The following DPP10 variants were observed in gnomAD, a reference collection of about 807,000 sequenced individuals.
DPP10 encodes dipeptidyl peptidase like 10, also known as inactive dipeptidyl peptidase 10.
In DPP10, 33 loss-of-function variants were observed where a neutral mutation model predicts 120.9. The observed-to-expected ratio is 0.27, with a 90% CI of 0.21 to 0.37. The LOEUF (loss-of-function observed/expected upper bound fraction) is 0.37. Ranked by LOEUF, DPP10 falls within the 10% of genes least tolerant of loss-of-function variation. The probability of loss-of-function intolerance (pLI) is 1.00; values close to 1 mark genes in which losing one functional copy is unlikely to be tolerated. For missense variants in DPP10, 816 were observed against 942.8 expected, an observed-to-expected ratio of 0.87 and a Z score of 1.76; for synonymous variants, 337 against 326.1, an observed-to-expected ratio of 1.03 and a Z score of -0.36.
intron 1 of DPP10, among the ~76,000 whole-genome samples, chr2:114,628,603 G>A (rs1302234116): frequency 2.0e-5 from 3 of 152,042 alleles, no homozygotes; most frequent in Non-Finnish European, 2.9e-5. Context: ...AACAACTTGT[G>A]CATTCTTGCT....
At chr2:115,199,087 T>G (rs976953843) in intron 1 of DPP10, among the ~76,000 whole-genome samples, 1 of 152,154 alleles carries the variant, frequency 6.6e-6, no homozygotes, top group Non-Finnish European at 1.5e-5. Flanking sequence ...TAACATTTAT[T>G]GAAGACCTAT....
chr2:114,695,131 C>T (rs1206770610), intron 1 of DPP10, among the ~76,000 whole-genome samples: 1 of 151,820 alleles, frequency 6.6e-6, no homozygotes, highest in Non-Finnish European at 1.5e-5. Context: ...AACTGTTGTT[C>T]AGAGTGAATT....
intron 13 of DPP10, among the ~76,000 whole-genome samples, chr2:115,773,289 G>A (rs558965729): frequency 6.6e-6 from 1 of 152,184 alleles, no homozygotes; most frequent in Non-Finnish European, 1.5e-5. Flanking sequence ...AGAACATGCA[G>A]GGTTAAACTT....
chr2:114,816,534 T>A (rs1043489171), intron 1 of DPP10, among the ~76,000 whole-genome samples: 5 of 152,188 alleles, frequency 3.3e-5, no homozygotes, highest in African/African-American at 1.2e-4. Context: ...CCTTGACCAC[T>A]CTTTTGAACA....
chr2:115,469,710 C>T (rs2074560818), intron 3 of DPP10, among the ~76,000 whole-genome samples: 1 of 151,902 alleles, frequency 6.6e-6, no homozygotes, highest in African/African-American at 2.4e-5. Context: ...ACCAGCCTGA[C>T]CAACGTGGAG....
chr2:115,240,791 A>G (rs994277259), intron 1 of DPP10, among the ~76,000 whole-genome samples: 2 of 152,218 alleles, frequency 1.3e-5, no homozygotes, highest in African/African-American at 2.4e-5. Context: ...TTTCACAACA[A>G]TCTTGTAAGA....
chr2:114,963,841 T>C (rs1024659365), intron 1 of DPP10, among the ~76,000 whole-genome samples: 7 of 152,138 alleles, frequency 4.6e-5, no homozygotes, highest in Non-Finnish European at 1.5e-5. Context: ...AGAAGTGAAG[T>C]CTTTGAAGCA....
chr2:114,836,511 G>T (rs1452583865), intron 1 of DPP10, among the ~76,000 whole-genome samples: 1 of 152,060 alleles, frequency 6.6e-6, no homozygotes, highest in African/African-American at 2.4e-5. Context: ...ATAGCGTGTG[G>T]GTCACAAGAG....
chr2:115,002,721 A>G (rs1701525931), intron 1 of DPP10, among the ~76,000 whole-genome samples: 2 of 152,212 alleles, frequency 1.3e-5, no homozygotes, highest in African/African-American at 2.4e-5. Flanking sequence ...GACACTTACC[A>G]AAAGAAGACA....
chr2:115,747,784 G>A (rs1341340415), intron 10 of DPP10, among the ~76,000 whole-genome samples: 1 of 151,990 alleles, frequency 6.6e-6, no homozygotes, highest in Non-Finnish European at 1.5e-5. Flanking sequence ...TAGTAGAGAT[G>A]GGGTTTCACT....
At chr2:115,295,081 A>G (rs2060825522) in intron 1 of DPP10, among the ~76,000 whole-genome samples, 2 of 152,110 alleles carry the variant, frequency 1.3e-5, no homozygotes, top group African/African-American at 4.8e-5. Context: ...TTCAAATTGT[A>G]TGAGGGATGG....
rs114139739 is a variant in DPP10 at position 115,310,465 on chromosome 2, A to G, written c.175+1112A>G. Among the ~76,000 whole-genome samples the G allele has an allele frequency of 2.7e-3, 410 of 152,298 alleles. 2 individuals are homozygous for G. Among genetic ancestry groups the G allele is most frequent in the African/African-American group, 8.6e-3 (358 of 41,584 alleles). ...CTTTGAAAAATACTGACATTGAAATAAATAAACTGCCAAAAATGCAGTTTT... is the reference window on the plus strand; with the variant it reads ...CTTTGAAAAATACTGACATTGAAATGAATAAACTGCCAAAAATGCAGTTTT... On this transcript the variant is annotated intron_variant, in intron 2 of 25. Coordinates refer to ENST00000410059, the MANE Select transcript of DPP10 (RefSeq NM_020868.6).
intron 3 of DPP10, among the ~76,000 whole-genome samples, chr2:115,365,799 A>T (rs1574571652): frequency 6.6e-6 from 1 of 152,072 alleles, no homozygotes; most frequent in Admixed American, 6.6e-5. Context: ...TCTACTGCTC[A>T]CCACCATCCA....
chr2:115,080,262 C>A (rs1317774454), intron 1 of DPP10, among the ~76,000 whole-genome samples: 3 of 152,342 alleles, frequency 2.0e-5, no homozygotes, highest in Admixed American at 6.5e-5. Flanking sequence ...AAGTGATCAG[C>A]CCACCTTGAA....
intron 5 of DPP10, among the ~76,000 whole-genome samples, chr2:115,587,372 C>T (rs1007286113): frequency 6.6e-6 from 1 of 152,024 alleles, no homozygotes; most frequent in African/African-American, 2.4e-5. Context: ...TGAACATTGT[C>T]CTTTTTCCTA....
chr2:114,516,267 C>T (rs1684588380), intron 1 of DPP10, among the ~76,000 whole-genome samples: 2 of 152,098 alleles, frequency 1.3e-5, no homozygotes, highest in African/African-American at 4.8e-5. Context: ...TGGGCAAATT[C>T]GGGAGATAAT....
At chr2:115,385,963 G>A (rs910915936) in intron 3 of DPP10, among the ~76,000 whole-genome samples, 1 of 152,116 alleles carries the variant, frequency 6.6e-6, no homozygotes, top group African/African-American at 2.4e-5. Context: ...GATATTCTAT[G>A]ACTATACCAC....
At chr2:114,590,124 T>A (rs890032392) in intron 1 of DPP10, among the ~76,000 whole-genome samples, 3 of 152,136 alleles carry the variant, frequency 2.0e-5, no homozygotes, top group Non-Finnish European at 4.4e-5. Context: ...AATATTATTA[T>A]AAATAATTGC....
chr2:114,938,171 T>C (rs778248314), intron 1 of DPP10, among the ~76,000 whole-genome samples: 15 of 152,226 alleles, frequency 9.9e-5, no homozygotes, highest in Admixed American at 2.0e-4. Context: ...CAACTGTCGG[T>C]TTGTAACAAA....
Sources: gnomAD v4.1 joint callset for allele counts (sites outside exome capture counted in the v4.1 genomes callset) on GRCh38, gnomAD v4.1.1 for gene constraint, MANE v1.5 for transcripts, NCBI Gene and HGNC (gene_info 2026-07-23, HGNC 2026-07-21) for gene names.